PTPRR: variants seen among roughly 807,000 people sequenced by gnomAD.
PTPRR encodes receptor-type tyrosine-protein phosphatase R.
A neutral mutation model predicts 77.2 loss-of-function variants in PTPRR; 38 were observed. The observed-to-expected ratio is 0.49, with a 90% CI of 0.38 to 0.65. PTPRR has a LOEUF of 0.65. Among genes scored for constraint, PTPRR ranks in the 30% least tolerant of loss-of-function variants. The pLI, the probability that PTPRR is intolerant of heterozygous loss-of-function variation, is 0.00. For synonymous variants in PTPRR, 299 were observed against 283.1 expected (o/e 1.06, Z -0.57); for missense variants, 744 against 799.2 (o/e 0.93, Z 0.83).
chr12:70,693,717 C>T lies in PTPRR; in HGVS notation c.1279+4548G>A, dbSNP rs116490978. On this transcript the variant is annotated intron_variant, in intron 8 of 13. Coordinates refer to ENST00000283228, the MANE Select transcript of PTPRR (RefSeq NM_002849.4). ...ATATAGCTTGTACTAAAAAAAAAAGCCAAGAATTAAACAAAAAATGTATAA... is the reference window on the plus strand; with the variant it reads ...ATATAGCTTGTACTAAAAAAAAAAGTCAAGAATTAAACAAAAAATGTATAA... Among the ~76,000 whole-genome samples the T allele has an allele frequency of 5.6e-3, 847 of 151,202 alleles. 7 individuals are homozygous for T. Among genetic ancestry groups the T allele is most frequent in the African/African-American group, 0.02 (809 of 41,082 alleles).
At chr12:70,811,959 T>C (rs924020480) in intron 2 of PTPRR, among the ~76,000 whole-genome samples, 3 of 152,188 alleles carry the variant, frequency 2.0e-5, no homozygotes, top group Non-Finnish European at 4.4e-5. Flanking sequence ...ACAAAAAGAT[T>C]TTCATGTTTT....
chr12:70,673,138 C>T (rs193064349), intron 10 of PTPRR, among the ~76,000 whole-genome samples: 4 of 152,078 alleles, frequency 2.6e-5, no homozygotes, highest in East Asian at 1.9e-4. Flanking sequence ...TGAGAGCAAC[C>T]GTCTGCTGGG....
intron 2 of PTPRR, among the ~76,000 whole-genome samples, chr12:70,875,409 A>T (rs1418825848): frequency 6.6e-6 from 1 of 152,214 alleles, no homozygotes; most frequent in Non-Finnish European, 1.5e-5. Context: ...AGCATGATGG[A>T]CCAGGAGATA....
intron 4 of PTPRR, among the ~76,000 whole-genome samples, chr12:70,760,875 A>G (rs1049343590): frequency 6.6e-6 from 1 of 152,216 alleles, no homozygotes; most frequent in Non-Finnish European, 1.5e-5. Context: ...AATTAAATCC[A>G]TTCAGGAGTG....
intron 13 of PTPRR, among the ~76,000 whole-genome samples, chr12:70,646,058 C>A (rs1237524963): frequency 6.6e-6 from 1 of 152,188 alleles, no homozygotes; most frequent in Non-Finnish European, 1.5e-5. Context: ...TCTGGGCTAA[C>A]AATGAAACTT....
intron 8 of PTPRR, among the ~76,000 whole-genome samples, chr12:70,689,390 A>C (rs1027119141): frequency 6.6e-6 from 1 of 152,080 alleles, no homozygotes; most frequent in African/African-American, 2.4e-5. Flanking sequence ...CTTCCAAAAA[A>C]CTAAATCTAC....
chr12:70,779,920 T>C (rs1322539295), intron 2 of PTPRR, among the ~76,000 whole-genome samples: 1 of 152,196 alleles, frequency 6.6e-6, no homozygotes, highest in East Asian at 1.9e-4. Flanking sequence ...AATTAACATG[T>C]CTCTGACACT....
At chr12:70,789,194 G>A (rs1891381883) in intron 2 of PTPRR, among the ~76,000 whole-genome samples, 1 of 151,858 alleles carries the variant, frequency 6.6e-6, no homozygotes, top group Admixed American at 6.6e-5. Flanking sequence ...TGACCAACAT[G>A]GCACATGTAT....
intron 1 of PTPRR, among the ~76,000 whole-genome samples, chr12:70,895,770 G>A (rs1027673789): frequency 6.6e-6 from 1 of 151,504 alleles, no homozygotes; most frequent in African/African-American, 2.4e-5. Flanking sequence ...CCTAATGTCT[G>A]GAATTGGTTT....
At chr12:70,906,234 A>G (rs1220058428) in intron 1 of PTPRR, among the ~76,000 whole-genome samples, 1 of 151,972 alleles carries the variant, frequency 6.6e-6, no homozygotes, top group Non-Finnish European at 1.5e-5. Flanking sequence ...TCTCATCAGA[A>G]AATGTAGGTG....
In PTPRR at chr12:70,698,281, A is replaced by G. The variant is rs781394559; in HGVS notation, c.1263T>C (p.Tyr421=). The change falls in exon 8 of 14, where the codon TAT becomes TAC. Residue 421 remains tyrosine, a synonymous_variant. Coordinates refer to ENST00000283228, the MANE Select transcript of PTPRR (RefSeq NM_002849.4). Reference sequence around the variant, plus strand: ...GAAGCTTACTTGGTAAAATGGTCTTATAGCGATTTTTAGTTCCATGACGCG... The same window carrying G: ...GAAGCTTACTTGGTAAAATGGTCTTGTAGCGATTTTTAGTTCCATGACGCG... The part of the protein sequence containing the change: ...DIPRHGTKNR[Y]KTILPNPLSR... The G allele has an allele frequency of 5.0e-6, 8 of 1,613,126 alleles. No individual in the cohort carries two copies. The Admixed American group carries it at 1.0e-4, about 20-fold the overall frequency.
At position 70,862,386 on chromosome 12, in the gene PTPRR, T is replaced by C. The variant is rs553829745; in HGVS notation, c.357+30293A>G. Among the ~76,000 whole-genome samples the C allele has an allele frequency of 7.9e-5, 12 of 152,034 alleles. No individual in the cohort carries two copies. In the East Asian group the frequency reaches 2.1e-3, roughly 27 times the overall value. ...TTTATTAAAGAAAATGTGGCACATA[T>C]ACACCATGGAATATTATGCAGCCAT... is the stretch of plus-strand genomic sequence containing the variant. On this transcript the variant is annotated intron_variant, in intron 2 of 13. Coordinates refer to ENST00000283228, the MANE Select transcript of PTPRR (RefSeq NM_002849.4).
intron 2 of PTPRR, among the ~76,000 whole-genome samples, chr12:70,827,249 G>C (rs1283591765): frequency 6.6e-6 from 1 of 152,216 alleles, no homozygotes; most frequent in African/African-American, 2.4e-5. Context: ...CTCTCCAGCT[G>C]CTAGGATAGT....
chr12:70,669,369 C>T (rs1592653688), intron 10 of PTPRR, among the ~76,000 whole-genome samples: 1 of 151,808 alleles, frequency 6.6e-6, no homozygotes, highest in African/African-American at 2.4e-5. Context: ...TACTCCCATT[C>T]GATGAGAAAC....
intron 2 of PTPRR, among the ~76,000 whole-genome samples, chr12:70,801,406 G>C (rs2137020377): frequency 6.6e-6 from 1 of 152,278 alleles, no homozygotes; most frequent in South Asian, 2.1e-4. Flanking sequence ...TCCCCATTGT[G>C]GGTTGGCTTC....
intron 2 of PTPRR, among the ~76,000 whole-genome samples, chr12:70,869,667 A>C (rs1892927248): frequency 6.6e-6 from 1 of 152,164 alleles, no homozygotes; most frequent in Non-Finnish European, 1.5e-5. Flanking sequence ...GGAGGGTCAG[A>C]ATCAGAGAGA....
At chr12:70,783,861 G>A (rs1565695621) in intron 2 of PTPRR, among the ~76,000 whole-genome samples, 2 of 108,250 alleles carry the variant, frequency 1.8e-5, no homozygotes, top group African/African-American at 7.5e-5. Flanking sequence ...GTGTGGGGGG[G>A]ACGGGGGGGG....
chr12:70,815,664 G>A (rs929788930), intron 2 of PTPRR, among the ~76,000 whole-genome samples: 1 of 152,112 alleles, frequency 6.6e-6, no homozygotes, highest in African/African-American at 2.4e-5. Flanking sequence ...AAAACTTCTG[G>A]TAGCTTCTAT....
At chr12:70,698,564 A>G (rs575324722) in intron 7 of PTPRR, among the ~76,000 whole-genome samples, 34 of 152,282 alleles carry the variant, frequency 2.2e-4, no homozygotes, top group African/African-American at 7.7e-4. Flanking sequence ...GTGTTAGAAA[A>G]TATTGCTTAA....
Sources: gnomAD v4.1 joint callset for allele counts (sites outside exome capture counted in the v4.1 genomes callset) on GRCh38, gnomAD v4.1.1 for gene constraint, MANE v1.5 for transcripts, NCBI Gene and HGNC (gene_info 2026-07-23, HGNC 2026-07-21) for gene names.